FBXO25: variants seen among roughly 807,000 people sequenced by gnomAD.
The protein encoded by FBXO25 is F-box protein 25.
FBXO25 carries 45 observed loss-of-function variants against 51.9 expected under a neutral mutation model. That is an observed-to-expected ratio of 0.87 (90% CI 0.68 to 1.11). FBXO25 has a LOEUF of 1.11. FBXO25 is among the 50% of genes most tolerant of loss of function. The pLI is 0.00. For missense variants in FBXO25, 507 were observed against 428.5 expected (o/e 1.18, Z -1.62); for synonymous variants, 199 against 151.0 (o/e 1.32, Z -2.33).
chr8:468,030 G>C, intron 9 of FBXO25: 1 of 1,285,230 alleles, frequency 7.8e-7, no homozygotes, highest in Admixed American at 3.7e-5. Context: ...TGGCAGCACT[G>C]CCAGGGCATG....
At chr8:426,722 C>T (rs1462934285) in intron 2 of FBXO25, among the ~76,000 whole-genome samples, 239 of 151,210 alleles carry the variant, frequency 1.6e-3, no homozygotes, top group Middle Eastern at 6.8e-3. Flanking sequence ...TTTAAGACGG[C>T]GTTTCCCTTC....
intron 2 of FBXO25, among the ~76,000 whole-genome samples, chr8:430,362 T>C (rs1797752634): frequency 2.0e-5 from 3 of 152,218 alleles, no homozygotes; most frequent in Admixed American, 1.3e-4. Flanking sequence ...GTGCTTTGCT[T>C]GTCTTGATGA....
chr8:416,003 G>T (rs1367182980), intron 2 of FBXO25, among the ~76,000 whole-genome samples: 4 of 152,166 alleles, frequency 2.6e-5, no homozygotes, highest in African/African-American at 9.7e-5. Flanking sequence ...ACAAGGGAGT[G>T]TGTAGTCAAA....
intron 2 of FBXO25, among the ~76,000 whole-genome samples, chr8:421,680 C>G (rs1797166691): frequency 6.6e-6 from 1 of 152,150 alleles, no homozygotes; most frequent in Non-Finnish European, 1.5e-5. Flanking sequence ...AGTCTGTTGA[C>G]AGAGGGCCTT....
chr8:412,356 C>G (rs933364658), intron 1 of FBXO25, among the ~76,000 whole-genome samples: 11 of 152,152 alleles, frequency 7.2e-5, no homozygotes, highest in East Asian at 3.9e-4. Flanking sequence ...GACTCTGTTT[C>G]CTAAATATTT....
intron 1 of FBXO25, 120 bp from the exon 2 acceptor site, chr8:412,949 TTTAA>T (rs1399744789): frequency 8.6e-6 from 8 of 934,112 alleles, no homozygotes; most frequent in Non-Finnish European, 1.2e-5. Flanking sequence ...CGAGCCAACG[TTTAA>T]TTAATGAGCA....
intron 5 of FBXO25, among the ~76,000 whole-genome samples, chr8:440,297 T>C (rs1798348413): frequency 6.6e-6 from 1 of 152,250 alleles, no homozygotes; most frequent in Non-Finnish European, 1.5e-5. Context: ...CTTGGAACAG[T>C]CTGTACTCTG....
At chr8:417,872 G>C (rs771524729) in intron 2 of FBXO25, among the ~76,000 whole-genome samples, 11 of 152,122 alleles carry the variant, frequency 7.2e-5, no homozygotes, top group Non-Finnish European at 1.6e-4. Flanking sequence ...GTATAGCATG[G>C]GTCATCTGTG....
intron 7 of FBXO25, among the ~76,000 whole-genome samples, chr8:456,090 G>A (rs576118871): frequency 1.4e-4 from 22 of 152,304 alleles, no homozygotes; most frequent in East Asian, 7.7e-4. Context: ...GTAAACTACT[G>A]TCTGCTACAG....
chr8:466,205 T>G (rs1168960568), intron 9 of FBXO25, among the ~76,000 whole-genome samples: 1 of 152,266 alleles, frequency 6.6e-6, no homozygotes, highest in African/African-American at 2.4e-5. Flanking sequence ...CAGGTACTTC[T>G]TGCCCTGTCT....
rs1800579757 is a variant in FBXO25, at chr8:474,338, C to G, written c.*5534C>G. 1 of 225,084 alleles carries G rather than the reference C, an allele frequency of 4.4e-6. No homozygotes were observed. The highest frequency in any genetic ancestry group is 5.4e-5 in the Admixed American group (1 of 18,634). The allele number at this position is 225,084 out of a possible 1,614,324, so 13.9% of individuals were successfully genotyped here. On this transcript the variant is annotated 3_prime_UTR_variant, in exon 10 of 10. Coordinates refer to ENST00000350302, the MANE Select transcript of FBXO25 (RefSeq NM_183420.2). The stretch of plus-strand genomic sequence containing the variant: ...GACCACATTTTGTTTGTGTACTCAT[C>G]TGTTGAGGACACTTGAGTTGCTTCC...
chr8:449,595 G>A (rs566707954), intron 5 of FBXO25, among the ~76,000 whole-genome samples: 2 of 152,218 alleles, frequency 1.3e-5, no homozygotes, highest in Admixed American at 1.3e-4. Context: ...GCGAGTATGG[G>A]CTTAGGTTGT....
chr8:426,957 T>C (rs189882354), intron 2 of FBXO25, among the ~76,000 whole-genome samples: 17 of 152,266 alleles, frequency 1.1e-4, no homozygotes, highest in East Asian at 5.8e-4. Context: ...TTTTAACTTA[T>C]ATAAAATTGA....
At chr8:408,212 G>A (rs1412610597) in intron 1 of FBXO25, among the ~76,000 whole-genome samples, 1 of 151,886 alleles carries the variant, frequency 6.6e-6, no homozygotes, top group Non-Finnish European at 1.5e-5. Flanking sequence ...AAACACATGT[G>A]GTCTTTTAAG....
chr8:462,293 C>T (rs1004204063), intron 8 of FBXO25, among the ~76,000 whole-genome samples: 1 of 152,194 alleles, frequency 6.6e-6, no homozygotes, highest in African/African-American at 2.4e-5. Context: ...AGATAAATGT[C>T]TTTGCATGTC....
At chr8:438,373 A>T (rs917811760) in intron 5 of FBXO25, among the ~76,000 whole-genome samples, 3 of 152,150 alleles carry the variant, frequency 2.0e-5, no homozygotes, top group African/African-American at 7.2e-5. Context: ...TCTTTCAACT[A>T]ATGTTTTATG....
At chr8:431,109 A>G (rs569991215) in intron 2 of FBXO25, among the ~76,000 whole-genome samples, 2 of 152,344 alleles carry the variant, frequency 1.3e-5, no homozygotes, top group African/African-American at 2.4e-5. Context: ...GGATAAGTAT[A>G]TCAAGACCCT....
At chr8:438,085 C>T (rs1212071464) in intron 5 of FBXO25, among the ~76,000 whole-genome samples, 2 of 150,400 alleles carry the variant, frequency 1.3e-5, no homozygotes, top group Admixed American at 6.6e-5. Context: ...GATGGAGTCT[C>T]ACTCTGTTGC....
intron 5 of FBXO25, among the ~76,000 whole-genome samples, chr8:438,107 T>C (rs1585048884): frequency 6.6e-6 from 1 of 151,308 alleles, no homozygotes; most frequent in Non-Finnish European, 1.5e-5. Context: ...CAGGGTGGAG[T>C]GCAGTGGCAC....
Sources: gnomAD v4.1 joint callset for allele counts (sites outside exome capture counted in the v4.1 genomes callset) on GRCh38, gnomAD v4.1.1 for gene constraint, MANE v1.5 for transcripts, NCBI Gene and HGNC (gene_info 2026-07-23, HGNC 2026-07-21) for gene names.